Variants in TYW1 observed in about 807,000 individuals in gnomAD.
TYW1 encodes S-adenosyl-L-methionine-dependent tRNA 4-demethylwyosine synthase TYW1.
In TYW1, 46 loss-of-function variants were observed where a neutral mutation model predicts 96.2. That is an observed-to-expected ratio of 0.48 (90% CI 0.38 to 0.61). The LOEUF (loss-of-function observed/expected upper bound fraction) is 0.61. TYW1 is among the 20% of genes least tolerant of loss of function. The probability of loss-of-function intolerance (pLI) is 0.00; values close to 1 mark genes in which losing one functional copy is unlikely to be tolerated. For synonymous variants in TYW1, 274 were observed against 323.0 expected (o/e 0.85, Z 1.63); for missense variants, 684 against 909.6 (o/e 0.75, Z 3.19).
chr7:67,022,150 C>G (rs576909283), intron 6 of TYW1, among the ~76,000 whole-genome samples: 1 of 152,156 alleles, frequency 6.6e-6, no homozygotes, highest in African/African-American at 2.4e-5. Context: ...TGAGCTCAAG[C>G]GATCCTCCTG....
intron 4 of TYW1, among the ~76,000 whole-genome samples, chr7:67,011,520 G>A (rs1584459960): frequency 6.6e-6 from 1 of 152,326 alleles, no homozygotes; most frequent in East Asian, 1.9e-4. Flanking sequence ...TCAGGTCTTA[G>A]CCTAGCTGCA....
At chr7:67,078,221 G>A (rs13223443) in intron 10 of TYW1, among the ~76,000 whole-genome samples, 3 of 150,748 alleles carry the variant, frequency 2.0e-5, no homozygotes, top group South Asian at 2.1e-4. Context: ...TCAGCCTCCC[G>A]AGTAACAGAG....
At chr7:67,096,185 C>T (rs1401402218) in intron 11 of TYW1, among the ~76,000 whole-genome samples, 3 of 152,154 alleles carry the variant, frequency 2.0e-5, no homozygotes, top group African/African-American at 7.2e-5. Flanking sequence ...GTCAGGAGAT[C>T]GAGACCATCC....
Position 67,187,985 on chromosome 7 carries a change from G to A in TYW1, c.1809+4749G>A, listed in dbSNP as rs138126447. Among the ~76,000 whole-genome samples, 1,399 of 152,250 alleles carry A rather than the reference G, an allele frequency of 9.2e-3. 18 individuals carry two copies. The highest frequency in any genetic ancestry group is 0.032 in the African/African-American group (1,337 of 41,546). ...GAAAATACATCTTTTTGTCATTGTT[G>A]TCTTATTAATTAAAGTTAAAAATTT... On this transcript the variant is annotated intron_variant, in intron 14 of 15. Transcript: ENST00000359626.
intron 9 of TYW1, among the ~76,000 whole-genome samples, chr7:67,063,202 A>C (rs565714797): frequency 6.6e-6 from 1 of 152,218 alleles, no homozygotes; most frequent in Non-Finnish European, 1.5e-5. Flanking sequence ...TCAGTCAGTC[A>C]TATCAATTGA....
chr7:67,228,485 T>G (rs566908906), intron 15 of TYW1, among the ~76,000 whole-genome samples: 1 of 152,332 alleles, frequency 6.6e-6, no homozygotes, highest in African/African-American at 2.4e-5. Flanking sequence ...AGATGAGATT[T>G]GGGTGGAAAC....
chr7:67,086,450 G>C (rs956337674), intron 11 of TYW1, among the ~76,000 whole-genome samples: 1 of 152,148 alleles, frequency 6.6e-6, no homozygotes, highest in Admixed American at 6.6e-5. Flanking sequence ...ATGTGTATGT[G>C]AATGTGTGTG....
chr7:67,141,469 A>G (rs1798446033), intron 13 of TYW1, among the ~76,000 whole-genome samples: 1 of 152,222 alleles, frequency 6.6e-6, no homozygotes, highest in African/African-American at 2.4e-5. Flanking sequence ...ACTGAAAAGC[A>G]CTGAGTGTTT....
rs1307225513 is a variant in TYW1, at chr7:67,196,443, T to C, written c.1977+1106T>C. Among the ~76,000 whole-genome samples the C allele has an allele frequency of 2.0e-5, 3 of 150,420 alleles. No homozygotes were observed. In the East Asian group the frequency reaches 5.8e-4, roughly 29 times the overall value. ...TTCTCATTCATGTTGCCTTGTCTTC[T>C]CCAGTGCCTTGTTACCTGTGATTGC... is the stretch of plus-strand genomic sequence containing the variant. On this transcript the variant is annotated intron_variant, in intron 15 of 15. Coordinates refer to ENST00000359626, the MANE Select transcript of TYW1 (RefSeq NM_018264.4).
At chr7:67,125,344 A>T (rs1387544096) in intron 13 of TYW1, among the ~76,000 whole-genome samples, 1 of 150,890 alleles carries the variant, frequency 6.6e-6, no homozygotes, top group Admixed American at 6.6e-5. Flanking sequence ...TGGTCTGTGA[A>T]TCATCTGAGA....
At chr7:67,064,704 C>T (rs560998904) in intron 9 of TYW1, among the ~76,000 whole-genome samples, 3 of 152,234 alleles carry the variant, frequency 2.0e-5, no homozygotes, top group South Asian at 2.1e-4. Context: ...AGTTCCTCCC[C>T]GGGTCTCTCC....
At chr7:67,088,565 C>T (rs1222856340) in intron 11 of TYW1, among the ~76,000 whole-genome samples, 1 of 152,124 alleles carries the variant, frequency 6.6e-6, no homozygotes, top group African/African-American at 2.4e-5. Flanking sequence ...GTAATTTCAA[C>T]TGAAAAAGAC....
intron 13 of TYW1, among the ~76,000 whole-genome samples, chr7:67,135,495 G>A (rs146542170): frequency 0.27 from 41,158 of 150,400 alleles, 6,405 homozygotes; most frequent in African/African-American, 0.43. Flanking sequence ...GTAGAGATGA[G>A]GTTTCCCCAT....
rs765972006 is a variant in TYW1 at position 67,098,696 on chromosome 7, G to C, written c.1540G>C (p.Ala514Pro). ...CKISSFLVTN[A>P]QFPAEIRNLE... ...AATTTCCAGCTTCCTGGTCACAAAC[G>C]CACAATTTCCTGCGGAAATCAGGTG... Residue 514 changes from alanine (A) to proline (P), a missense_variant, in exon 12 of 16, where the codon GCA (alanine) becomes CCA (proline). By Grantham distance (27) the Ala-to-Pro change is conservative. Coordinates refer to ENST00000359626, the MANE Select transcript of TYW1 (RefSeq NM_018264.4). 1 of 1,613,880 alleles carries C rather than the reference G, an allele frequency of 6.2e-7. No homozygotes were observed. The highest frequency in any genetic ancestry group is 1.7e-5 in the Admixed American group (1 of 59,970).
chr7:67,144,325 G>A (rs1798538444), intron 13 of TYW1, among the ~76,000 whole-genome samples: 1 of 152,130 alleles, frequency 6.6e-6, no homozygotes, highest in South Asian at 2.1e-4. Context: ...AAGCCACAAG[G>A]GAATAGAATT....
intron 7 of TYW1, among the ~76,000 whole-genome samples, chr7:67,035,285 A>G (rs999812528): frequency 6.6e-6 from 1 of 151,744 alleles, no homozygotes; most frequent in African/African-American, 2.4e-5. Flanking sequence ...TGCACAACTA[A>G]TTTGTATTTT....
rs1166650198 is a variant in TYW1 at position 67,238,395 on chromosome 7, A to G, written c.2065A>G (p.Lys689Glu). The G allele has an allele frequency of 6.2e-7, 1 of 1,613,868 alleles. No individual in the cohort carries two copies. The highest frequency in any genetic ancestry group is 8.5e-7 in the Non-Finnish European group (1 of 1,179,842). Residue 689 changes from lysine to glutamate, a missense_variant, in exon 16 of 16, where the codon AAA (lysine) becomes GAA (glutamate). Lys to Glu is a moderately conservative substitution (Grantham distance 56). Transcript: ENST00000359626. The part of the protein sequence containing the change: ...IQEYEDSGGS[K>E]TFSAKDYMAR... ...GGAATATGAAGATAGTGGTGGATCA[A>G]AAACGTTCAGCGCAAAGGATTATAT...
intron 11 of TYW1, among the ~76,000 whole-genome samples, chr7:67,097,347 C>G (rs911018463): frequency 2.6e-5 from 4 of 152,220 alleles, no homozygotes; most frequent in South Asian, 2.1e-4. Flanking sequence ...TATTGCCCAG[C>G]CTTGCACCCA....
In TYW1 at chr7:67,233,396, C is replaced by T. The variant is rs1293653566; in HGVS notation, c.1978-4912C>T. Among the ~76,000 whole-genome samples the T allele has an allele frequency of 1.5e-5, 2 of 135,278 alleles. 1 individual carries two copies. Among genetic ancestry groups the T allele is most frequent in the Non-Finnish European group, 3.2e-5 (2 of 62,908 alleles). The allele number at this position is 135,278 out of a possible 152,430, so 88.7% of individuals were successfully genotyped here. A position where few individuals can be genotyped will look rare whatever the true frequency, so the allele number is the denominator to read the frequency against. On this transcript the variant is annotated intron_variant, in intron 15 of 15. Transcript: ENST00000359626. Reference sequence around the variant, plus strand: ...GAGGAGAACATAAGGAGAACAAGGCCCTTTGTACAGCAGTTTGATTCTTGC... The same window carrying T: ...GAGGAGAACATAAGGAGAACAAGGCTCTTTGTACAGCAGTTTGATTCTTGC...
Sources: allele counts gnomAD v4.1 joint callset (sites outside exome capture counted in the v4.1 genomes callset), GRCh38; gene constraint gnomAD v4.1.1; transcripts MANE v1.5; gene names NCBI Gene and HGNC (gene_info 2026-07-23, HGNC 2026-07-21).